Variants in RNF125 observed in about 807,000 individuals in gnomAD.
RNF125 encodes E3 ubiquitin-protein ligase RNF125.
A neutral mutation model predicts 26.0 loss-of-function variants in RNF125; 21 were observed. The ratio of observed to expected loss-of-function variants is 0.81; its 90% CI spans 0.57 to 1.16. The LOEUF (loss-of-function observed/expected upper bound fraction) is 1.16, where lower values mean the gene tolerates loss of function less well. Ranked by LOEUF, RNF125 falls within the 50% of genes most tolerant of loss-of-function variation. The pLI, the probability that RNF125 is intolerant of heterozygous loss-of-function variation, is 0.00. For synonymous variants in RNF125, 95 were observed against 109.2 expected, an observed-to-expected ratio of 0.87 and a Z score of 0.81; for missense variants, 270 against 299.4, an observed-to-expected ratio of 0.90 and a Z score of 0.72.
In RNF125 at chr18:32,042,287, C is replaced by T; in HGVS notation, c.413+14C>T. ...GACAGCAGCAAGGTTTGTTTCAATA[C>T]AATATAGTTTAATGCTAAAATTGAT... On this transcript the variant is annotated intron_variant, in intron 3 of 5. Transcript: ENST00000217740. 1 of 1,514,702 alleles carries T rather than the reference C, an allele frequency of 6.6e-7. No homozygotes were observed. The highest frequency in any genetic ancestry group is 9.1e-7 in the Non-Finnish European group (1 of 1,094,316). The allele number at this position is 1,514,702 out of a possible 1,614,324, so 93.8% of individuals were successfully genotyped here. A position where few individuals can be genotyped will look rare whatever the true frequency, so the allele number is the denominator to read the frequency against.
At chr18:32,031,021 A>T (rs933210266) in intron 1 of RNF125, 1 of 152,122 alleles carries the variant, frequency 6.6e-6, no homozygotes, top group Admixed American at 6.6e-5. Flanking sequence ...AACGGCATTC[A>T]TCCATTCATC....
the RNF125 span, among the ~76,000 whole-genome samples, chr18:32,085,373 C>CAGAGATAGAGAGAG: frequency 7.8e-6 from 1 of 128,724 alleles, no homozygotes; most frequent in African/African-American, 3.1e-5. Flanking sequence ...CTGCCAGAAG[C>CAGAGATAGAGAGAG]AGAGAGAGAG....
the RNF125 span, among the ~76,000 whole-genome samples, chr18:32,087,656 G>A: frequency 3.2e-4 from 49 of 152,204 alleles, no homozygotes; most frequent in South Asian, 1.5e-3. Context: ...TTATTGTGGA[G>A]GTTAAAGAAC....
intron 2 of RNF125, among the ~76,000 whole-genome samples, chr18:32,038,787 A>G (rs1386006470): frequency 1.3e-5 from 2 of 151,864 alleles, no homozygotes; most frequent in Non-Finnish European, 2.9e-5. Context: ...TTTATTTGAG[A>G]CAGAGTCGCA....
chr18:32,043,117 C>G (rs558982470), intron 3 of RNF125, among the ~76,000 whole-genome samples: 1 of 151,822 alleles, frequency 6.6e-6, no homozygotes, highest in South Asian at 2.1e-4. Flanking sequence ...CCACTGCACT[C>G]CAGCCTGGGT....
chr18:32,055,997 AAAAAAG>A (rs1292994500), intron 4 of RNF125, among the ~76,000 whole-genome samples: 1 of 151,012 alleles, frequency 6.6e-6, no homozygotes, highest in Admixed American at 6.6e-5. Flanking sequence ...AAAAAAAAAA[AAAAAAG>A]AACATTTAAA....
chr18:32,031,986 GC>G (rs2039101578), intron 1 of RNF125, among the ~76,000 whole-genome samples: 1 of 151,958 alleles, frequency 6.6e-6, no homozygotes, highest in African/African-American at 2.4e-5. Context: ...TGCAACCTCT[GC>G]CTCCTGGGTT....
At chr18:32,076,534 C>G (rs955927492), downstream of RNF125, among the ~76,000 whole-genome samples, 1 of 152,052 alleles carries the variant, frequency 6.6e-6, no homozygotes, top group Non-Finnish European at 1.5e-5. Context: ...CCAGGTTGGT[C>G]TCTTGGACTC....
chr18:32,081,364 T>C, the RNF125 span, among the ~76,000 whole-genome samples: 2 of 152,144 alleles, frequency 1.3e-5, no homozygotes, highest in African/African-American at 4.8e-5. Flanking sequence ...AAAGAAGAAA[T>C]GTCATCTTAC....
chr18:32,065,542 T>A (rs1369584401), intron 4 of RNF125, among the ~76,000 whole-genome samples: 1 of 152,094 alleles, frequency 6.6e-6, no homozygotes, highest in Non-Finnish European at 1.5e-5. Flanking sequence ...CGTCTTGTTT[T>A]GTTTTTTTGT....
the RNF125 span, among the ~76,000 whole-genome samples, chr18:32,089,289 G>A: frequency 6.6e-6 from 1 of 152,172 alleles, no homozygotes; most frequent in Non-Finnish European, 1.5e-5. Flanking sequence ...AGAACTTGCA[G>A]ATTTCAGGAG....
rs536547192 is a variant in RNF125, at chr18:32,034,974, T to C, written c.165-2142T>C. Among the ~76,000 whole-genome samples the C allele has an allele frequency of 2.6e-5, 4 of 151,642 alleles. No individual in the cohort carries two copies. In the East Asian group the frequency reaches 5.8e-4, roughly 22 times the overall value. ...GAAAGGGTAGGAACCAAGGCAGATA[T>C]GGAGTTCTACGTAAAGGGAGAAAAG... On this transcript the variant is annotated intron_variant, in intron 1 of 5. Coordinates refer to ENST00000217740, the MANE Select transcript of RNF125 (RefSeq NM_017831.4).
intron 1 of RNF125, chr18:32,031,396 T>G (rs1470596447): frequency 2.2e-5 from 3 of 136,084 alleles, no homozygotes; most frequent in African/African-American, 8.5e-5. Flanking sequence ...GAGCCTACAA[T>G]AATAGGGGAT....
intron 4 of RNF125, among the ~76,000 whole-genome samples, chr18:32,046,723 G>GTAAATGTACA (rs1195616514): frequency 6.6e-6 from 1 of 151,834 alleles, no homozygotes; most frequent in Non-Finnish European, 1.5e-5. Flanking sequence ...TGTTTGTATG[G>GTAAATGTACA]TAAATGTACA....
rs776698259 is a variant in RNF125, at chr18:32,072,867, TTCCAGGCAGACCTCCTTAGAGACC to T, written c.*4502_*4525del. The T allele has an allele frequency of 3.2e-4, 49 of 152,276 alleles. No individual in the cohort carries two copies. The highest frequency in any genetic ancestry group is 5.1e-4 in the Non-Finnish European group (35 of 68,026). 9.4% of individuals were successfully genotyped at this position (152,276 alleles called of 1,614,324 possible). A position where few individuals can be genotyped will look rare whatever the true frequency, so the allele number is the denominator to read the frequency against. On this transcript the variant is annotated 3_prime_UTR_variant, in exon 6 of 6. Transcript: ENST00000217740. ...TTGTGAATCTACACTAAAGATATGGTTCCAGGCAGACCTCCTTAGAGACCTCCAGGCAGACCTCCTTACTGTCTT... is the reference window on the plus strand; with the variant it reads ...TTGTGAATCTACACTAAAGATATGGTTCCAGGCAGACCTCCTTACTGTCTT...
intron 4 of RNF125, among the ~76,000 whole-genome samples, chr18:32,062,065 A>G (rs1320756401): frequency 1.3e-5 from 2 of 152,174 alleles, no homozygotes; most frequent in South Asian, 2.1e-4. Flanking sequence ...TGAATGTTTG[A>G]TGTTTACCTG....
chr18:32,080,724 C>T, the RNF125 span, among the ~76,000 whole-genome samples: 1 of 152,112 alleles, frequency 6.6e-6, no homozygotes, highest in East Asian at 1.9e-4. Flanking sequence ...CTCGTCTCTA[C>T]TAAAAATACA....
chr18:32,031,751 A>G (rs987315626), intron 1 of RNF125, among the ~76,000 whole-genome samples: 12 of 152,286 alleles, frequency 7.9e-5, no homozygotes, highest in Non-Finnish European at 1.6e-4. Flanking sequence ...TGAGATAGAA[A>G]GAAGTAAAAT....
At chr18:32,028,027 G>A (rs1568193190) in intron 1 of RNF125, among the ~76,000 whole-genome samples, 1 of 151,862 alleles carries the variant, frequency 6.6e-6, no homozygotes, top group Admixed American at 6.6e-5. Flanking sequence ...GGCCGGGCGC[G>A]GTGGCTCACA....
Sources: gnomAD v4.1 joint callset for allele counts (sites outside exome capture counted in the v4.1 genomes callset) on GRCh38, gnomAD v4.1.1 for gene constraint, MANE v1.5 for transcripts, NCBI Gene and HGNC (gene_info 2026-07-23, HGNC 2026-07-21) for gene names.